NTRK2: variants seen among roughly 807,000 people sequenced by gnomAD.
NTRK2 encodes the protein neurotrophic receptor tyrosine kinase 2, also known as BDNF/NT-3 growth factors receptor.
A neutral mutation model predicts 94.5 loss-of-function variants in NTRK2; 13 were observed. The observed-to-expected ratio is 0.14, with a 90% CI of 0.09 to 0.22. The LOEUF is 0.22. NTRK2 is among the 10% of genes least tolerant of loss of function. The pLI is 1.00. For missense variants in NTRK2, 639 were observed against 1,071.2 expected (o/e 0.60, Z 5.63); for synonymous variants, 372 against 407.4 (o/e 0.91, Z 1.05).
chr9:84,989,338 C>T (rs1388676390), intron 17 of NTRK2, among the ~76,000 whole-genome samples: 2 of 152,118 alleles, frequency 1.3e-5, no homozygotes, highest in East Asian at 3.8e-4. Context: ...TTCATTTATT[C>T]TTCCATATAT....
chr9:84,820,514 T>C (rs2072737077), intron 12 of NTRK2, among the ~76,000 whole-genome samples: 1 of 152,204 alleles, frequency 6.6e-6, no homozygotes. Flanking sequence ...CCGTGAACAG[T>C]TGGTTAATAC....
chr9:84,743,124 C>T (rs1404536465), intron 10 of NTRK2, among the ~76,000 whole-genome samples: 5 of 151,986 alleles, frequency 3.3e-5, no homozygotes, highest in South Asian at 2.1e-4. Context: ...GATGGAATAT[C>T]GCATCTCTCC....
At chr9:85,004,825 A>T (rs1243914813) in intron 17 of NTRK2, among the ~76,000 whole-genome samples, 1 of 152,218 alleles carries the variant, frequency 6.6e-6, no homozygotes, top group Non-Finnish European at 1.5e-5. Context: ...ATCACATAAC[A>T]GGTAGAATAT....
intron 2 of NTRK2, among the ~76,000 whole-genome samples, chr9:84,676,773 A>G (rs1033847729): frequency 6.6e-6 from 1 of 152,156 alleles, no homozygotes; most frequent in African/African-American, 2.4e-5. Flanking sequence ...GGTTTTTGCC[A>G]TTACTTTTGC....
intron 16 of NTRK2, among the ~76,000 whole-genome samples, chr9:84,951,929 C>T (rs1233417461): frequency 2.0e-5 from 3 of 152,136 alleles, no homozygotes; most frequent in Non-Finnish European, 4.4e-5. Flanking sequence ...ATATTAAGCA[C>T]CAGCATGGCC....
At chr9:85,019,089 C>A (rs1032894961) in intron 17 of NTRK2, among the ~76,000 whole-genome samples, 1 of 152,126 alleles carries the variant, frequency 6.6e-6, no homozygotes, top group Non-Finnish European at 1.5e-5. Flanking sequence ...GACATTTCAG[C>A]CTCTTGGGTT....
chr9:84,856,735 T>C (rs543704801), intron 12 of NTRK2, among the ~76,000 whole-genome samples: 2 of 152,282 alleles, frequency 1.3e-5, no homozygotes, highest in South Asian at 2.1e-4. Context: ...TCCATGACAA[T>C]GGTAAAGTCA....
chr9:84,739,218 T>G (rs929560501), intron 9 of NTRK2, among the ~76,000 whole-genome samples: 23 of 152,066 alleles, frequency 1.5e-4, no homozygotes, highest in African/African-American at 5.1e-4. Flanking sequence ...GCCTCGCTAA[T>G]TTTTGTATTT....
At chr9:84,810,946 T>A in intron 12 of NTRK2, 3 of 1,142,584 alleles carry the variant, frequency 2.6e-6, no homozygotes, top group Non-Finnish European at 3.2e-6. Flanking sequence ...TTTATTGACT[T>A]AATTGCTTCT....
rs1298224221 is a variant in NTRK2, at chr9:84,855,554, G to A, written c.1397-5486G>A. ...TTGTGCTGACAGGTTGGGAAGTCAT[G>A]GAGTCAGTTAATAAAACCTCAAGCA... On this transcript the variant is annotated intron_variant, in intron 12 of 18. Coordinates refer to ENST00000277120, the MANE Select transcript of NTRK2 (RefSeq NM_006180.6). Among the ~76,000 whole-genome samples the A allele has an allele frequency of 2.6e-5, 4 of 151,566 alleles. No homozygotes were observed. The East Asian group carries it at 7.7e-4, about 29-fold the overall frequency.
Position 84,745,048 on chromosome 9 carries a change from A to G in NTRK2, c.1271A>G (p.Asp424Gly). ...SNEIPSTDVT[D>G]KTGREHLSVY... is the part of the protein sequence containing the mutation. The stretch of plus-strand genomic sequence containing the variant: ...GAAATCCCTTCCACAGACGTCACTG[A>G]TAAAACCGGTCGGGAACATCTCTCG... The change falls in exon 11 of 19, where the codon GAT becomes GGT. Residue 424 changes from aspartate (D) to glycine (G), a missense_variant. This residue lies in a region of NTRK2 where 343 missense variants were observed against 571.5 expected (regional missense o/e 0.60). Coordinates refer to ENST00000277120, the MANE Select transcript of NTRK2 (RefSeq NM_006180.6). The G allele has an allele frequency of 9.9e-6, 16 of 1,613,864 alleles. No homozygotes were observed. Among genetic ancestry groups the G allele is most frequent in the Non-Finnish European group, 1.4e-5 (16 of 1,179,896 alleles).
chr9:84,790,340 G>T (rs1288896168), intron 12 of NTRK2, among the ~76,000 whole-genome samples: 1 of 152,138 alleles, frequency 6.6e-6, no homozygotes, highest in Non-Finnish European at 1.5e-5. Context: ...ATGAATTTTT[G>T]TCTGGCTGTT....
chr9:84,867,938 G>T (rs2075672034), intron 14 of NTRK2, among the ~76,000 whole-genome samples: 1 of 152,200 alleles, frequency 6.6e-6, no homozygotes, highest in Admixed American at 6.5e-5. Flanking sequence ...GCCTTGTTGT[G>T]TTGCCACAAT....
At chr9:84,800,391 G>C (rs1167007669) in intron 12 of NTRK2, among the ~76,000 whole-genome samples, 2 of 152,076 alleles carry the variant, frequency 1.3e-5, no homozygotes, top group African/African-American at 4.8e-5. Flanking sequence ...TGTAGAGATG[G>C]GGTTTTACCA....
chr9:84,719,517 T>G (rs766282616), intron 6 of NTRK2, among the ~76,000 whole-genome samples: 18 of 152,228 alleles, frequency 1.2e-4, no homozygotes, highest in Non-Finnish European at 2.2e-4. Flanking sequence ...AACCTTTCTC[T>G]CCTCAGAATT....
At chr9:84,670,073 T>C (rs1046170553) in intron 1 of NTRK2, among the ~76,000 whole-genome samples, 185 bp downstream of exon 1, 1 of 151,840 alleles carries the variant, frequency 6.6e-6, no homozygotes, top group African/African-American at 2.4e-5. Flanking sequence ...GCCGGCAGTC[T>C]CCGCATTCCC....
intron 14 of NTRK2, among the ~76,000 whole-genome samples, chr9:84,916,906 T>G (rs948591360): frequency 2.6e-5 from 4 of 152,196 alleles, no homozygotes; most frequent in African/African-American, 9.7e-5. Flanking sequence ...TAGAACATAA[T>G]ACATGTGTTC....
At chr9:84,989,718 C>T (rs1042907759) in intron 17 of NTRK2, among the ~76,000 whole-genome samples, 30 of 152,178 alleles carry the variant, frequency 2.0e-4, no homozygotes, top group African/African-American at 6.0e-4. Context: ...ATAAGCCTTC[C>T]GACTCCTTGT....
At chr9:84,738,747 C>T (rs977228212) in intron 9 of NTRK2, among the ~76,000 whole-genome samples, 1 of 152,238 alleles carries the variant, frequency 6.6e-6, no homozygotes, top group South Asian at 2.1e-4. Flanking sequence ...GGTGAGTAGA[C>T]CTTTGTCAGA....
Sources: allele counts gnomAD v4.1 joint callset (sites outside exome capture counted in the v4.1 genomes callset), GRCh38; gene constraint gnomAD v4.1.1; regional missense constraint gnomAD v4.1.1; transcripts MANE v1.5; gene names NCBI Gene and HGNC (gene_info 2026-07-23, HGNC 2026-07-21).